RIC3: variants seen among roughly 807,000 people sequenced by gnomAD.
RIC3 encodes the protein protein RIC-3.
RIC3 carries 28 observed loss-of-function variants against 27.3 expected under a neutral mutation model. The ratio of observed to expected loss-of-function variants is 1.02; its 90% CI spans 0.76 to 1.41. The LOEUF is 1.41. Ranked by LOEUF, RIC3 falls within the 40% of genes most tolerant of loss-of-function variation. The pLI is 0.00. For missense variants in RIC3, 501 were observed against 444.7 expected (o/e 1.13, Z -1.14); for synonymous variants, 184 against 160.4 (o/e 1.15, Z -1.11).
the RIC3 span, chr11:8,100,694 G>A: frequency 6.7e-6 from 10 of 1,482,770 alleles, no homozygotes; most frequent in South Asian, 5.7e-5. Context: ...TGTGTATGTG[G>A]AGGGGTACCA....
intron 5 of RIC3, among the ~76,000 whole-genome samples, chr11:8,111,969 AAGC>A (rs1407796437): frequency 3.3e-5 from 5 of 152,250 alleles, no homozygotes; most frequent in Non-Finnish European, 5.9e-5. Context: ...ACAGTGCAGA[AAGC>A]TGGAGGATTC....
chr11:8,133,820 G>C (rs1948032496), intron 4 of RIC3, among the ~76,000 whole-genome samples: 1 of 152,106 alleles, frequency 6.6e-6, no homozygotes. Flanking sequence ...GATAGATGAT[G>C]TACATGGACT....
At chr11:8,112,647 T>C (rs767086277) in intron 5 of RIC3, among the ~76,000 whole-genome samples, 28 of 152,316 alleles carry the variant, frequency 1.8e-4, no homozygotes, top group African/African-American at 6.7e-4. Flanking sequence ...TATTTGTGTA[T>C]AAAAGGTTAT....
At chr11:8,127,089 G>A (rs1947080983) in intron 4 of RIC3, among the ~76,000 whole-genome samples, 1 of 152,228 alleles carries the variant, frequency 6.6e-6, no homozygotes, top group Non-Finnish European at 1.5e-5. Flanking sequence ...AGATGTCTCA[G>A]CTTTTAGTTC....
In RIC3 at chr11:8,139,984, G is replaced by A. The variant is rs1276188051; in HGVS notation, c.334C>T (p.Leu112=). 1.2e-6 allele frequency: 2 copies of A among 1,613,538 alleles called. No individual in the cohort carries two copies. Among genetic ancestry groups the A allele is most frequent in the Non-Finnish European group, 1.7e-6 (2 of 1,179,598 alleles). The change falls in exon 2 of 6, where the codon CTG becomes TTG. Residue 112 remains leucine (L), a synonymous_variant. Coordinates refer to ENST00000309737, the MANE Select transcript of RIC3 (RefSeq NM_001206671.4). The part of the protein sequence containing the change: ...IYGFGIFLYI[L]YILFKLSKGK... ...CTACTTACCTTAAATAGAATGTACAGTATATATAAAAAAATCCCAAAACCG... is the reference window on the plus strand; with the variant it reads ...CTACTTACCTTAAATAGAATGTACAATATATATAAAAAAATCCCAAAACCG...
chr11:8,109,900 A>C lies in RIC3; in HGVS notation c.*798T>G, dbSNP rs1023530207. The stretch of plus-strand genomic sequence containing the variant: ...CAATGGCCTCAAGTCTTGACTCTGC[A>C]GGGCAGGGTCTAAAGTCTCTATCTA... On this transcript the variant is annotated 3_prime_UTR_variant, in exon 6 of 6. Coordinates refer to ENST00000309737, the MANE Select transcript of RIC3 (RefSeq NM_001206671.4). 1.3e-5 allele frequency: 2 copies of C among 152,358 alleles called. No individual in the cohort carries two copies. The highest frequency in any genetic ancestry group is 2.9e-5 in the Non-Finnish European group (2 of 68,202). 9.4% of individuals were successfully genotyped at this position (152,358 alleles called of 1,614,324 possible).
At chr11:8,098,957 A>G in the RIC3 span, 2 of 1,047,300 alleles carry the variant, frequency 1.9e-6, no homozygotes, top group East Asian at 2.4e-5. Context: ...GGGCTATCCC[A>G]TCCATCTTAG....
At chr11:8,134,708 T>A (rs1405237061) in intron 4 of RIC3, among the ~76,000 whole-genome samples, 1 of 152,182 alleles carries the variant, frequency 6.6e-6, no homozygotes, top group Non-Finnish European at 1.5e-5. Flanking sequence ...TGAGGTGGTA[T>A]CTCACTGTGG....
intron 5 of RIC3, among the ~76,000 whole-genome samples, chr11:8,122,547 T>G (rs975912428): frequency 6.6e-6 from 1 of 152,112 alleles, no homozygotes; most frequent in African/African-American, 2.4e-5. Context: ...GCTATAAATA[T>G]TCACAAAGAC....
intron 1 of RIC3, among the ~76,000 whole-genome samples, chr11:8,146,126 A>G (rs1949651644): frequency 6.6e-6 from 1 of 152,234 alleles, no homozygotes; most frequent in Non-Finnish European, 1.5e-5. Flanking sequence ...ATAGTGTAGT[A>G]GGGAGTTTGA....
intron 4 of RIC3, among the ~76,000 whole-genome samples, chr11:8,132,034 A>C (rs1337695051): frequency 2.0e-5 from 3 of 152,262 alleles, no homozygotes; most frequent in Non-Finnish European, 4.4e-5. Context: ...CCAGGAATTC[A>C]TGGCAAAAAT....
At chr11:8,141,543 C>T (rs1949071803) in intron 1 of RIC3, among the ~76,000 whole-genome samples, 1 of 151,132 alleles carries the variant, frequency 6.6e-6, no homozygotes, top group Admixed American at 6.6e-5. Flanking sequence ...CCTGAGTGAC[C>T]TACAAAGAGA....
At position 8,137,442 on chromosome 11, in the gene RIC3, T is replaced by A. The variant is rs1948555308; in HGVS notation, c.457A>T (p.Lys153Ter). Reference protein sequence around the residue: ...TSFELAQLQEKLKETEAAMEK... With the variant: ...TSFELAQLQE ...ATGGCTGCTTCTGTCTCCTTCAGTT[T>A]TTCTTGCAGTTGAGCAAGCTCAAAA... The change falls in exon 4 of 6, where the codon AAA (lysine) becomes TAA (stop). Residue 153 changes from lysine to a stop codon, truncating the protein, a stop_gained. Coordinates refer to ENST00000309737, the MANE Select transcript of RIC3 (RefSeq NM_001206671.4). LOFTEE classifies it high-confidence loss of function. The A allele has an allele frequency of 6.2e-7, 1 of 1,613,980 alleles. No individual in the cohort carries two copies. The highest frequency in any genetic ancestry group is 1.7e-5 in the Admixed American group (1 of 60,008).
chr11:8,155,713 C>T lies in RIC3; in HGVS notation c.124+13153G>A, dbSNP rs564252015. Among the ~76,000 whole-genome samples the T allele has an allele frequency of 8.5e-5, 13 of 152,302 alleles. No homozygotes were observed. In the East Asian group the frequency reaches 2.1e-3, roughly 25 times the overall value. ...TTTTCTGAAAGCAACATTAACTCAT[C>T]TGCAGCATTTCATTCTTGGGGCAAA... On this transcript the variant is annotated intron_variant, in intron 1 of 5. Transcript: ENST00000309737.
chr11:8,096,011 A>G, the RIC3 span, among the ~76,000 whole-genome samples: 1 of 152,218 alleles, frequency 6.6e-6, no homozygotes, highest in African/African-American at 2.4e-5. Context: ...TTTTCCCACC[A>G]CAAGCCCTGC....
the RIC3 span, chr11:8,097,630 G>GGA: frequency 7.4e-7 from 1 of 1,355,364 alleles, no homozygotes; most frequent in Non-Finnish European, 1.0e-6. Flanking sequence ...CTGACGCAAC[G>GGA]GAGAGAGTCT....
At chr11:8,114,682 T>A (rs1035836376) in intron 5 of RIC3, among the ~76,000 whole-genome samples, 1 of 151,004 alleles carries the variant, frequency 6.6e-6, no homozygotes, top group African/African-American at 2.4e-5. Context: ...ATAACTGTTT[T>A]AAGGAAACTC....
chr11:8,124,106 AGAAAGC>A (rs2133575258), intron 5 of RIC3, among the ~76,000 whole-genome samples: 3 of 148,608 alleles, frequency 2.0e-5, no homozygotes, highest in East Asian at 4.0e-4. Flanking sequence ...AAAGAAAAAG[AGAAAGC>A]AAGCAAGCAA....
At chr11:8,149,088 G>A (rs1192874436) in intron 1 of RIC3, among the ~76,000 whole-genome samples, 1 of 151,560 alleles carries the variant, frequency 6.6e-6, no homozygotes, top group South Asian at 2.1e-4. Context: ...AGCTATTCGG[G>A]AGGCTGAGGC....
Sources: gnomAD v4.1 joint callset for allele counts (sites outside exome capture counted in the v4.1 genomes callset) on GRCh38, gnomAD v4.1.1 for gene constraint, MANE v1.5 for transcripts, NCBI Gene and HGNC (gene_info 2026-07-23, HGNC 2026-07-21) for gene names.